The following SLC25A19 variants were observed in gnomAD, a reference collection of about 807,000 sequenced individuals.
SLC25A19 encodes the protein mitochondrial thiamine pyrophosphate carrier.
In SLC25A19, 18 loss-of-function variants were observed where a neutral mutation model predicts 27.9. That is an observed-to-expected ratio of 0.64 (90% CI 0.45 to 0.96). The LOEUF (loss-of-function observed/expected upper bound fraction) is 0.96, where lower values mean the gene tolerates loss of function less well. Ranked by LOEUF, SLC25A19 falls within the 40% of genes least tolerant of loss-of-function variation. The probability of loss-of-function intolerance (pLI) is 0.00; values close to 1 mark genes in which losing one functional copy is unlikely to be tolerated. For synonymous variants in SLC25A19, 169 were observed against 167.1 expected (o/e 1.01, Z -0.09); for missense variants, 371 against 418.3 (o/e 0.89, Z 0.99).
chr17:75,274,596 G>A (rs1332696002), intron 7 of SLC25A19, among the ~76,000 whole-genome samples: 1 of 152,060 alleles, frequency 6.6e-6, no homozygotes, highest in Admixed American at 6.6e-5. Flanking sequence ...TAGCAGTAAG[G>A]CCTCCCTCTG....
In SLC25A19 at chr17:75,277,416, C is replaced by T. The variant is rs2077918180; in HGVS notation, c.711G>A (p.Leu237=). The T allele has an allele frequency of 6.2e-7, 1 of 1,614,100 alleles. No individual in the cohort carries two copies. Among genetic ancestry groups the T allele is most frequent in the Non-Finnish European group, 8.5e-7 (1 of 1,180,016 alleles). ...GVISKTLTYP[L]DLFKKRLQVG... ...CCTGTAGCCGCTTCTTGAAGAGGTC[C>T]AGCGGATATGTCAGGGTCTTGCTGA... The change falls in exon 7 of 8, where the codon CTG becomes CTA. Residue 237 remains leucine, a synonymous_variant. Coordinates refer to ENST00000416858, the MANE Select transcript of SLC25A19 (RefSeq NM_001126121.2).
chr17:75,282,550 T>C (rs1315260790), intron 5 of SLC25A19, among the ~76,000 whole-genome samples: 1 of 143,602 alleles, frequency 7.0e-6, no homozygotes, highest in Non-Finnish European at 1.5e-5. Flanking sequence ...ACTCCGTCTC[T>C]TGAAAAAAAT....
intron 4 of SLC25A19, among the ~76,000 whole-genome samples, chr17:75,284,967 C>T (rs115276159): frequency 0.02 from 3,076 of 151,158 alleles, 113 homozygotes; most frequent in African/African-American, 0.07. Context: ...GAGGCAAGGT[C>T]GTGCTCAGTT....
At chr17:75,276,757 C>T (rs2077898222) in intron 7 of SLC25A19, among the ~76,000 whole-genome samples, 1 of 138,206 alleles carries the variant, frequency 7.2e-6, no homozygotes, top group Non-Finnish European at 1.7e-5. Context: ...TCACTGCAAA[C>T]TCCACCTCCC....
intron 2 of SLC25A19, chr17:75,287,111 G>C (rs1020830466): frequency 1.0e-5 from 3 of 292,620 alleles, no homozygotes; most frequent in Non-Finnish European, 2.0e-5. Context: ...TATTACTATG[G>C]CATATTTGTT....
At chr17:75,286,262 C>G in intron 4 of SLC25A19, 42 bp downstream of exon 4, 1 of 1,609,370 alleles carries the variant, frequency 6.2e-7, no homozygotes, top group Non-Finnish European at 8.5e-7. Flanking sequence ...CTCCACTGAG[C>G]AACGTGACCC....
At position 75,278,835 on chromosome 17, in the gene SLC25A19, T is replaced by C. The variant is rs562042412; in HGVS notation, c.460-500A>G. Among the ~76,000 whole-genome samples, 16 of 151,354 alleles carry C rather than the reference T, an allele frequency of 1.1e-4. No individual in the cohort carries two copies. In the South Asian group the frequency reaches 2.7e-3, roughly 26 times the overall value. ...CCATCTCTACTAAAAATACAAAAATTAGCTGGGGGTGGTGGCTCATGCCTG... is the reference window on the plus strand; with the variant it reads ...CCATCTCTACTAAAAATACAAAAATCAGCTGGGGGTGGTGGCTCATGCCTG... On this transcript the variant is annotated intron_variant, in intron 5 of 7. Transcript: ENST00000416858.
chr17:75,275,395 T>G (rs953636235), intron 7 of SLC25A19, among the ~76,000 whole-genome samples: 1 of 152,052 alleles, frequency 6.6e-6, no homozygotes, highest in Non-Finnish European at 1.5e-5. Flanking sequence ...GAAGGAATGC[T>G]CTCTCCCTAC....
chr17:75,274,030 G>C, intron 7 of SLC25A19: 1 of 303,078 alleles, frequency 3.3e-6, no homozygotes, highest in South Asian at 2.9e-5. Flanking sequence ...CCAATGTGCT[G>C]GGATTACAGG....
At chr17:75,283,680 G>T in intron 4 of SLC25A19, 87 bp from the exon 5 acceptor site, 1 of 1,376,232 alleles carries the variant, frequency 7.3e-7, no homozygotes, top group Non-Finnish European at 1.0e-6. Flanking sequence ...CCGTGACCCG[G>T]CTGGGGCCCA....
chr17:75,287,924 G>C (rs1324075453), intron 2 of SLC25A19, among the ~76,000 whole-genome samples: 2 of 151,972 alleles, frequency 1.3e-5, no homozygotes, highest in Non-Finnish European at 2.9e-5. Flanking sequence ...CGGGTGGATC[G>C]CCTGAGGTCA....
chr17:75,286,291 C>T lies in SLC25A19; in HGVS notation c.288+13G>A, dbSNP rs1273037671. ...GTGACCCCAGAGGTCTGGCCAGGTC[C>T]CTTGCCACCTACTTGGACAGCTCCA... On this transcript the variant is annotated intron_variant, in intron 4 of 7. Coordinates refer to ENST00000416858, the MANE Select transcript of SLC25A19 (RefSeq NM_001126121.2). 2 of 1,613,266 alleles carry T rather than the reference C, an allele frequency of 1.2e-6. No individual in the cohort carries two copies. Among genetic ancestry groups the T allele is most frequent in the Non-Finnish European group, 1.7e-6 (2 of 1,180,018 alleles).
intron 5 of SLC25A19, among the ~76,000 whole-genome samples, chr17:75,278,612 C>T (rs1029011733): frequency 1.3e-5 from 2 of 152,150 alleles, no homozygotes; most frequent in Admixed American, 6.6e-5. Flanking sequence ...GAGCTAAAGA[C>T]GCGATGTCCA....
Position 75,279,091 on chromosome 17 carries a change from C to T in SLC25A19, c.460-756G>A, listed in dbSNP as rs539447649. On this transcript the variant is annotated intron_variant, in intron 5 of 7. Coordinates refer to ENST00000416858, the MANE Select transcript of SLC25A19 (RefSeq NM_001126121.2). ...CAAACTGGTCTCGAACTCCTGACCT[C>T]AAGTGATCCTTCCTCCTTGGCCTCC... 1.6e-3 allele frequency among the ~76,000 whole-genome samples: 242 copies of T among 151,858 alleles called. 3 individuals carry two copies. Among genetic ancestry groups the T allele is most frequent in the African/African-American group, 5.7e-3 (238 of 41,456 alleles).
At chr17:75,287,951 C>A (rs974322319) in intron 2 of SLC25A19, among the ~76,000 whole-genome samples, 4 of 152,128 alleles carry the variant, frequency 2.6e-5, no homozygotes, top group African/African-American at 9.7e-5. Context: ...CAAGACCAGT[C>A]TGGCCAACAT....
chr17:75,286,440 G>C lies in SLC25A19; in HGVS notation c.152C>G (p.Ser51Cys). 6.2e-7 allele frequency: 1 copy of C among 1,614,130 alleles called. No individual in the cohort carries two copies. The highest frequency in any genetic ancestry group is 8.5e-7 in the Non-Finnish European group (1 of 1,180,010). Residue 51 changes from serine to cysteine, a missense_variant, in exon 4 of 8, where the codon TCT becomes TGT. Ser to Cys is a moderately radical substitution (Grantham distance 112). Coordinates refer to ENST00000416858, the MANE Select transcript of SLC25A19 (RefSeq NM_001126121.2). ...IRFQLQHERL[S>C]RSDPSAKYHG... is the part of the protein sequence containing the mutation. ...GTACTTTGCGCTGGGGTCACTGCGAGACAGGCGCTCATGCTGAAGCTAGGA... is the reference window on the plus strand; with the variant it reads ...GTACTTTGCGCTGGGGTCACTGCGACACAGGCGCTCATGCTGAAGCTAGGA...
Position 75,277,886 on chromosome 17 carries a change from A to C in SLC25A19, c.643+266T>G, listed in dbSNP as rs188534806. ...CTCAACCAAAAAACAAGCAATTTGC[A>C]ATTTGGACTTCTGACAAAAATGAAA... On this transcript the variant is annotated intron_variant, in intron 6 of 7. Coordinates refer to ENST00000416858, the MANE Select transcript of SLC25A19 (RefSeq NM_001126121.2). Among the ~76,000 whole-genome samples, 246 of 150,876 alleles carry C rather than the reference A, an allele frequency of 1.6e-3. 3 individuals are homozygous for C. The highest frequency in any genetic ancestry group is 5.7e-3 in the African/African-American group (236 of 41,102).
intron 4 of SLC25A19, among the ~76,000 whole-genome samples, 165 bp from the exon 5 acceptor site, chr17:75,283,758 C>T (rs941186222): frequency 1.1e-4 from 16 of 152,212 alleles, no homozygotes; most frequent in African/African-American, 3.6e-4. Context: ...ATAAATACAA[C>T]ATTCTACGCA....
intron 7 of SLC25A19, among the ~76,000 whole-genome samples, chr17:75,276,497 A>T (rs1044782855): frequency 2.0e-5 from 3 of 151,738 alleles, no homozygotes; most frequent in Admixed American, 6.6e-5. Context: ...CCTCCCGAGT[A>T]GCTGGGACTA....
Sources: gnomAD v4.1 joint callset for allele counts (sites outside exome capture counted in the v4.1 genomes callset) on GRCh38, gnomAD v4.1.1 for gene constraint, MANE v1.5 for transcripts, NCBI Gene and HGNC (gene_info 2026-07-23, HGNC 2026-07-21) for gene names.